CTNND2: variants seen among roughly 807,000 people sequenced by gnomAD.
The protein encoded by CTNND2 is catenin delta-2.
In CTNND2, 22 loss-of-function variants were observed where a neutral mutation model predicts 144.4. The observed-to-expected ratio is 0.15, with a 90% CI of 0.11 to 0.22. The LOEUF (loss-of-function observed/expected upper bound fraction) is 0.22, where lower values mean the gene tolerates loss of function less well. Ranked by LOEUF, CTNND2 falls within the 10% of genes least tolerant of loss-of-function variation. The pLI is 1.00. For missense variants in CTNND2, 1,353 were observed against 1,618.8 expected, an observed-to-expected ratio of 0.84 and a Z score of 2.82; for synonymous variants, 751 against 695.6, an observed-to-expected ratio of 1.08 and a Z score of -1.25.
intron 1 of CTNND2, among the ~76,000 whole-genome samples, chr5:11,779,698 T>C (rs1790442077): frequency 6.6e-6 from 1 of 152,246 alleles, no homozygotes; most frequent in Admixed American, 6.5e-5. Flanking sequence ...CAAATGGTTT[T>C]AGTTTTGTCC....
intron 8 of CTNND2, among the ~76,000 whole-genome samples, chr5:11,361,256 A>T: frequency 6.6e-6 from 1 of 152,146 alleles, no homozygotes; most frequent in East Asian, 1.9e-4. Flanking sequence ...CCTGACCTCA[A>T]GTGATCTACC....
At chr5:11,010,323 C>T (rs946186025) in intron 18 of CTNND2, among the ~76,000 whole-genome samples, 12 of 152,226 alleles carry the variant, frequency 7.9e-5, no homozygotes, top group Admixed American at 2.0e-4. Flanking sequence ...TATTAATTCT[C>T]AAAATGGCAA....
intron 1 of CTNND2, among the ~76,000 whole-genome samples, chr5:11,867,901 G>C (rs1169451691): frequency 1.3e-5 from 2 of 150,746 alleles, no homozygotes; most frequent in South Asian, 2.1e-4. Flanking sequence ...TGGACATCTA[G>C]AATGCCTCAC....
In CTNND2 at chr5:11,798,253, C is replaced by G. The variant is rs533885659; in HGVS notation, c.38-65981G>C. Among the ~76,000 whole-genome samples the G allele has an allele frequency of 2.8e-4, 38 of 134,370 alleles. No homozygotes were observed. The South Asian group carries it at 8.6e-3, about 30-fold the overall frequency. The allele number at this position is 134,370 out of a possible 152,430, so 88.2% of individuals were successfully genotyped here. ...CTCCAGCCTGGGTGACAGAGTGAGACTGTTTCAAAAAAAAAAAAAAAAAAG... is the reference window on the plus strand; with the variant it reads ...CTCCAGCCTGGGTGACAGAGTGAGAGTGTTTCAAAAAAAAAAAAAAAAAAG... On this transcript the variant is annotated intron_variant, in intron 1 of 21. Coordinates refer to ENST00000304623, the MANE Select transcript of CTNND2 (RefSeq NM_001332.4).
At chr5:11,430,361 A>T (rs925674978) in intron 3 of CTNND2, among the ~76,000 whole-genome samples, 20 of 151,252 alleles carry the variant, frequency 1.3e-4, no homozygotes, top group African/African-American at 3.1e-4. Context: ...AACAAAAAAA[A>T]AATAATTCTT....
At chr5:11,774,568 A>AT (rs1442484413) in intron 1 of CTNND2, among the ~76,000 whole-genome samples, 4 of 150,168 alleles carry the variant, frequency 2.7e-5, no homozygotes, top group African/African-American at 9.8e-5. Context: ...AATTAAAAAA[A>AT]AAAACAATGA....
At chr5:11,033,416 C>G (rs1281378368) in intron 16 of CTNND2, among the ~76,000 whole-genome samples, 1 of 152,112 alleles carries the variant, frequency 6.6e-6, no homozygotes, top group Non-Finnish European at 1.5e-5. Flanking sequence ...ATGGAGCTCC[C>G]AATTTGATTG....
intron 2 of CTNND2, among the ~76,000 whole-genome samples, chr5:11,579,879 C>T (rs1234970983): frequency 1.3e-5 from 2 of 152,160 alleles, no homozygotes; most frequent in Admixed American, 6.5e-5. Flanking sequence ...CCGGCTGCGG[C>T]GTCCAGCAGC....
At chr5:11,812,889 A>G (rs1792415791) in intron 1 of CTNND2, among the ~76,000 whole-genome samples, 1 of 152,142 alleles carries the variant, frequency 6.6e-6, no homozygotes, top group Admixed American at 6.5e-5. Flanking sequence ...TCCATGTCAA[A>G]CAAAAAATTC....
At chr5:11,382,499 G>A (rs977388083) in intron 7 of CTNND2, among the ~76,000 whole-genome samples, 2 of 152,040 alleles carry the variant, frequency 1.3e-5, no homozygotes, top group African/African-American at 4.8e-5. Context: ...TCGGGAGGCT[G>A]AGGCGGGAGA....
At chr5:11,503,929 T>C (rs1770760465) in intron 3 of CTNND2, among the ~76,000 whole-genome samples, 1 of 152,324 alleles carries the variant, frequency 6.6e-6, no homozygotes, top group Non-Finnish European at 1.5e-5. Flanking sequence ...CCATTCAGAA[T>C]GAAGGACAAC....
intron 9 of CTNND2, among the ~76,000 whole-genome samples, chr5:11,313,680 A>G (rs1751214656): frequency 6.6e-6 from 1 of 152,220 alleles, no homozygotes; most frequent in Non-Finnish European, 1.5e-5. Flanking sequence ...TGCAGCTGAA[A>G]TAGCTGCAAC....
intron 2 of CTNND2, among the ~76,000 whole-genome samples, chr5:11,662,000 AACACACACATATATAC>A (rs944860745): frequency 1.2e-4 from 18 of 150,248 alleles, no homozygotes; most frequent in Admixed American, 2.7e-4. Flanking sequence ...CACACACACA[AACACACACATATATAC>A]ACACACACAT....
In CTNND2 at chr5:11,295,614, G is replaced by A. The variant is rs550208683; in HGVS notation, c.1628+50758C>T. 6.7e-4 allele frequency among the ~76,000 whole-genome samples: 102 copies of A among 152,264 alleles called. 2 individuals are homozygous for A. Among genetic ancestry groups the A allele is most frequent in the South Asian group, 4.8e-3 (23 of 4,822 alleles). ...AAGGCTACAGTAACCAAAACAGCAT[G>A]GTACTGGTACCAAAACAGAGATATA... On this transcript the variant is annotated intron_variant, in intron 9 of 21. Coordinates refer to ENST00000304623, the MANE Select transcript of CTNND2 (RefSeq NM_001332.4).
chr5:11,645,519 C>T (rs1183766888), intron 2 of CTNND2, among the ~76,000 whole-genome samples: 1 of 152,136 alleles, frequency 6.6e-6, no homozygotes, highest in Admixed American at 6.6e-5. Context: ...TGAATGATTC[C>T]TTATCTAGAT....
At chr5:11,232,008 A>C (rs966400078) in intron 10 of CTNND2, among the ~76,000 whole-genome samples, 6 of 152,224 alleles carry the variant, frequency 3.9e-5, no homozygotes, top group Non-Finnish European at 8.8e-5. Context: ...AGAGGGTGTG[A>C]GCCCCAAGCC....
At chr5:11,837,541 A>C (rs1794246773) in intron 1 of CTNND2, among the ~76,000 whole-genome samples, 1 of 152,228 alleles carries the variant, frequency 6.6e-6, no homozygotes, top group Admixed American at 6.5e-5. Flanking sequence ...CTCCATTCGT[A>C]GCTGGACAAT....
intron 10 of CTNND2, among the ~76,000 whole-genome samples, chr5:11,221,614 C>T (rs1253230452): frequency 6.6e-6 from 1 of 152,188 alleles, no homozygotes; most frequent in Non-Finnish European, 1.5e-5. Context: ...TATGCATGGA[C>T]ATCACATGAT....
At chr5:11,661,732 T>A (rs982173954) in intron 2 of CTNND2, among the ~76,000 whole-genome samples, 1 of 152,192 alleles carries the variant, frequency 6.6e-6, no homozygotes, top group African/African-American at 2.4e-5. Context: ...TTCTGTTCCC[T>A]AAGGATTATT....
Sources: gnomAD v4.1 joint callset for allele counts (sites outside exome capture counted in the v4.1 genomes callset) on GRCh38, gnomAD v4.1.1 for gene constraint, MANE v1.5 for transcripts, NCBI Gene and HGNC (gene_info 2026-07-23, HGNC 2026-07-21) for gene names.